STAG1: variants seen among roughly 807,000 people sequenced by gnomAD.
The protein encoded by STAG1 is STAG1 cohesin complex component.
Under a neutral mutation model 170.9 loss-of-function variants are expected in STAG1, and 26 were observed. The observed-to-expected ratio is 0.15, with a 90% CI of 0.11 to 0.21. The LOEUF is 0.21. STAG1 is among the 10% of genes least tolerant of loss of function. The pLI is 1.00. For missense variants in STAG1, 964 were observed against 1,509.5 expected, an observed-to-expected ratio of 0.64 and a Z score of 5.99; for synonymous variants, 514 against 497.7, an observed-to-expected ratio of 1.03 and a Z score of -0.44.
intron 16 of STAG1, among the ~76,000 whole-genome samples, chr3:136,425,414 C>T (rs1195448482): frequency 6.6e-6 from 1 of 151,922 alleles, no homozygotes; most frequent in Non-Finnish European, 1.5e-5. Context: ...CATGCCTTTA[C>T]CTATTTGTGC....
chr3:136,478,435 T>C (rs1035779832), intron 9 of STAG1, among the ~76,000 whole-genome samples: 12 of 152,220 alleles, frequency 7.9e-5, no homozygotes, highest in African/African-American at 2.9e-4. Flanking sequence ...ACAAGGTTAT[T>C]AGCCTTAGCT....
chr3:136,418,888 G>A (rs890055093), intron 20 of STAG1, among the ~76,000 whole-genome samples: 4 of 152,024 alleles, frequency 2.6e-5, no homozygotes, highest in African/African-American at 4.8e-5. Context: ...AGATCCACCC[G>A]CCATGGTGTC....
At chr3:136,371,671 T>C (rs1001396982) in intron 23 of STAG1, among the ~76,000 whole-genome samples, 14 of 152,200 alleles carry the variant, frequency 9.2e-5, no homozygotes, top group African/African-American at 2.7e-4. Context: ...GTTGTAGATA[T>C]GCGGCATTAT....
Position 136,498,233 on chromosome 3 carries a change from T to TATATATATATATATATAC in STAG1, c.902+1989_902+1990insGTATATATATATATATAT. On this transcript the variant is annotated intron_variant, in intron 9 of 33. Transcript: ENST00000383202. ...AATTATATATATATATATATATATA[T>TATATATATATATATATAC]ACACATACATATACATACACACACA... Among the ~76,000 whole-genome samples the TATATATATATATATATAC allele has an allele frequency of 7.8e-3, 445 of 57,380 alleles. 54 individuals carry two copies. The highest frequency in any genetic ancestry group is 0.072 in the East Asian group (33 of 456). The allele number at this position is 57,380 out of a possible 152,430, so 37.6% of individuals were successfully genotyped here.
chr3:136,343,150 C>CTAT (rs1184711731), intron 30 of STAG1, among the ~76,000 whole-genome samples: 1 of 152,204 alleles, frequency 6.6e-6, no homozygotes, highest in Non-Finnish European at 1.5e-5. Context: ...CATTACCCAA[C>CTAT]TATACACAGA....
intron 1 of STAG1, among the ~76,000 whole-genome samples, chr3:136,749,446 T>C (rs1935116227): frequency 6.6e-6 from 1 of 152,146 alleles, no homozygotes; most frequent in African/African-American, 2.4e-5. Flanking sequence ...CAACAAGTAG[T>C]GACCTTGAAA....
At chr3:136,531,474 G>A (rs562326972) in intron 6 of STAG1, among the ~76,000 whole-genome samples, 13 of 149,130 alleles carry the variant, frequency 8.7e-5, no homozygotes, top group South Asian at 4.3e-4. Context: ...TGTTTATTGC[G>A]GCATTATTCA....
At chr3:136,417,023 T>C (rs1214418823) in intron 21 of STAG1, among the ~76,000 whole-genome samples, 4 of 152,018 alleles carry the variant, frequency 2.6e-5, no homozygotes, top group Non-Finnish European at 5.9e-5. Context: ...ATTTTTTTAT[T>C]TTTAGTAGAG....
intron 3 of STAG1, among the ~76,000 whole-genome samples, chr3:136,605,044 A>C (rs1270759636): frequency 6.6e-6 from 1 of 152,190 alleles, no homozygotes; most frequent in Non-Finnish European, 1.5e-5. Context: ...TTCTGCATAC[A>C]TTCATTGATA....
chr3:136,547,128 A>T lies in STAG1; in HGVS notation c.395-4933T>A, dbSNP rs116467490. Among the ~76,000 whole-genome samples the T allele has an allele frequency of 1.8e-3, 280 of 152,304 alleles. 1 individual carries two copies. The highest frequency in any genetic ancestry group is 6.2e-3 in the African/African-American group (259 of 41,574). On this transcript the variant is annotated intron_variant, in intron 5 of 33. Coordinates refer to ENST00000383202, the MANE Select transcript of STAG1 (RefSeq NM_005862.3). ...TTAACTGAATTCCTATAGCATTTTT[A>T]AAAAATATGCTTTCTATTTTAGAAT...
At chr3:136,703,867 C>A (rs1285319064) in intron 1 of STAG1, among the ~76,000 whole-genome samples, 3 of 151,612 alleles carry the variant, frequency 2.0e-5, no homozygotes, top group Admixed American at 2.0e-4. Context: ...AAATAATTAG[C>A]CAGGCATGGT....
intron 6 of STAG1, among the ~76,000 whole-genome samples, chr3:136,526,601 G>C (rs570596038): frequency 6.6e-6 from 1 of 152,066 alleles, no homozygotes; most frequent in Non-Finnish European, 1.5e-5. Context: ...TTACATTTAA[G>C]GTTAATATTG....
At chr3:136,455,889 C>T (rs1364410038) in intron 13 of STAG1, among the ~76,000 whole-genome samples, 1 of 152,124 alleles carries the variant, frequency 6.6e-6, no homozygotes, top group Non-Finnish European at 1.5e-5. Flanking sequence ...GTTTAAGCTC[C>T]AGTACTAAGA....
At chr3:136,440,690 TAGAAAC>T (rs987256550) in intron 15 of STAG1, among the ~76,000 whole-genome samples, 4 of 152,012 alleles carry the variant, frequency 2.6e-5, no homozygotes, top group Non-Finnish European at 5.9e-5. Context: ...TAAGGTTAGT[TAGAAAC>T]AGAATGTGTA....
chr3:136,622,655 A>G (rs1355532825), intron 3 of STAG1, among the ~76,000 whole-genome samples: 1 of 152,198 alleles, frequency 6.6e-6, no homozygotes, highest in African/African-American at 2.4e-5. Context: ...AGCAGATAAC[A>G]GTATCTTCTA....
At chr3:136,510,009 A>C (rs562643651) in intron 7 of STAG1, among the ~76,000 whole-genome samples, 180 of 152,326 alleles carry the variant, frequency 1.2e-3, no homozygotes, top group Non-Finnish European at 2.1e-3. Flanking sequence ...CAGTTTCCAA[A>C]TGACATAGAT....
At chr3:136,521,787 C>T (rs1255136635) in intron 6 of STAG1, among the ~76,000 whole-genome samples, 7 of 152,098 alleles carry the variant, frequency 4.6e-5, no homozygotes, top group African/African-American at 1.7e-4. Flanking sequence ...TTGATGAAAG[C>T]TATCATGATA....
At chr3:136,502,558 A>G (rs1933541961) in intron 8 of STAG1, 70 bp downstream of exon 8, 6 of 1,481,676 alleles carry the variant, frequency 4.0e-6, no homozygotes, top group Middle Eastern at 1.8e-4. Context: ...AGGGAACTTA[A>G]AAAGTACTAA....
At chr3:136,725,635 C>T (rs542474577) in intron 1 of STAG1, among the ~76,000 whole-genome samples, 1 of 152,110 alleles carries the variant, frequency 6.6e-6, no homozygotes, top group African/African-American at 2.4e-5. Flanking sequence ...GAGACACATG[C>T]AGAAGGACAG....
Sources: gnomAD v4.1 joint callset for allele counts (sites outside exome capture counted in the v4.1 genomes callset) on GRCh38, gnomAD v4.1.1 for gene constraint, MANE v1.5 for transcripts, NCBI Gene and HGNC (gene_info 2026-07-23, HGNC 2026-07-21) for gene names.